GPRC5A: variants seen among roughly 807,000 people sequenced by gnomAD.
GPRC5A encodes retinoic acid-induced protein 3.
A neutral mutation model predicts 22.5 loss-of-function variants in GPRC5A; 19 were observed. That is an observed-to-expected ratio of 0.85 (90% CI 0.59 to 1.24). The LOEUF is 1.24. Ranked by LOEUF, GPRC5A falls within the 50% of genes most tolerant of loss-of-function variation. GPRC5A has a pLI of 0.00. For synonymous variants in GPRC5A, 192 were observed against 184.5 expected (o/e 1.04, Z -0.33); for missense variants, 471 against 451.1 (o/e 1.04, Z -0.40).
In GPRC5A at chr12:12,902,605, A is replaced by G. The variant is rs117091256; in HGVS notation, c.-7-5638A>G. Among the ~76,000 whole-genome samples the G allele has an allele frequency of 4.8e-3, 734 of 152,138 alleles. 4 individuals are homozygous for G. The highest frequency in any genetic ancestry group is 7.8e-3 in the Non-Finnish European group (529 of 68,006). On this transcript the variant is annotated intron_variant, in intron 1 of 3. Coordinates refer to ENST00000014914, the MANE Select transcript of GPRC5A (RefSeq NM_003979.4). ...ATAGCAAGACTCCATCTCTAAAAAA[A>G]TAAAGATTAAAAAAATTAGCCAGGT...
In GPRC5A at chr12:12,904,595, C is replaced by T. The variant is rs549946927; in HGVS notation, c.-7-3648C>T. 1.1e-4 allele frequency among the ~76,000 whole-genome samples: 16 copies of T among 151,974 alleles called. No homozygotes were observed. In the East Asian group the frequency reaches 2.3e-3, roughly 22 times the overall value. On this transcript the variant is annotated intron_variant, in intron 1 of 3. Transcript: ENST00000014914. ...GCAGTGATCAGCACATAGTGGTGCTCGGTAAATATTTGTTGAATGAATGAC... is the reference window on the plus strand; with the variant it reads ...GCAGTGATCAGCACATAGTGGTGCTTGGTAAATATTTGTTGAATGAATGAC...
chr12:12,907,026 C>T (rs1343410772), intron 1 of GPRC5A, among the ~76,000 whole-genome samples: 17 of 151,054 alleles, frequency 1.1e-4, no homozygotes, highest in Non-Finnish European at 8.8e-5. Flanking sequence ...TGCACTCCAG[C>T]CTGGGCAAAA....
intron 2 of GPRC5A, among the ~76,000 whole-genome samples, chr12:12,911,021 C>A (rs907893384): frequency 2.6e-5 from 4 of 151,952 alleles, no homozygotes; most frequent in Non-Finnish European, 4.4e-5. Context: ...CAGACGTGCA[C>A]CATTATGCCC....
At position 12,908,877 on chromosome 12, in the gene GPRC5A, G is replaced by A. The variant is rs1289955950; in HGVS notation, c.628G>A (p.Gly210Arg). ...CGSFTGWKRH[G>R]AHIYLTMLLS... ...TTCCTTCACGGGCTGGAAGAGACAT[G>A]GGGCCCACATCTACCTCACGATGCT... The change falls in exon 2 of 4, where the codon GGG (glycine) becomes AGG (arginine). Residue 210 changes from glycine (G) to arginine (R), a missense_variant. Gly to Arg is a moderately radical substitution (Grantham distance 125). Transcript: ENST00000014914. The A allele has an allele frequency of 1.9e-6, 3 of 1,614,106 alleles. No homozygotes were observed. The highest frequency in any genetic ancestry group is 2.5e-6 in the Non-Finnish European group (3 of 1,180,000).
chr12:12,902,462 C>CT (rs970402909), intron 1 of GPRC5A, among the ~76,000 whole-genome samples: 2 of 151,684 alleles, frequency 1.3e-5, no homozygotes, highest in African/African-American at 4.8e-5. Flanking sequence ...GAGTTTTTAT[C>CT]TTTTAGAGAG....
Position 12,912,449 on chromosome 12 carries a change from C to A in GPRC5A, c.984C>A (p.Asn328Lys), listed in dbSNP as rs1424097979. Residue 328 changes from asparagine to lysine, a missense_variant and splice_region_variant, in exon 4 of 4, where the codon AAC (asparagine) becomes AAA (lysine). Coordinates refer to ENST00000014914, the MANE Select transcript of GPRC5A (RefSeq NM_003979.4). Reference sequence around the variant, plus strand: ...CGATATGACTGTTTCCTTTTCAGAACCAGCCTCCCCAAAAGGAATTCTCCA... The same window carrying A: ...CGATATGACTGTTTCCTTTTCAGAAACAGCCTCCCCAAAAGGAATTCTCCA... ...APYSTHFQLQ[N>K]QPPQKEFSIP... 2 of 1,603,652 alleles carry A rather than the reference C, an allele frequency of 1.2e-6. No homozygotes were observed. Among genetic ancestry groups the A allele is most frequent in the East Asian group, 2.2e-5 (1 of 44,830 alleles).
intron 1 of GPRC5A, among the ~76,000 whole-genome samples, chr12:12,901,055 T>C (rs1863882183): frequency 6.6e-6 from 1 of 152,110 alleles, no homozygotes; most frequent in Non-Finnish European, 1.5e-5. Context: ...GGCATCCTTG[T>C]GTTACTGGAT....
At position 12,916,351 on chromosome 12, in the gene GPRC5A, T is replaced by TCATTTTAG. The variant is rs1864063952; in HGVS notation, c.*3812_*3813insCATTTTAG. On this transcript the variant is annotated 3_prime_UTR_variant, in exon 4 of 4. Coordinates refer to ENST00000014914, the MANE Select transcript of GPRC5A (RefSeq NM_003979.4). ...AGATGCGAAATAGAGCGTGTCTCTC[T>TCATTTTAG]GCCTCTCATTTTAGGCTGAGGCCGT... 6.6e-6 allele frequency: 1 copy of TCATTTTAG among 152,318 alleles called. No individual in the cohort carries two copies. The highest frequency in any genetic ancestry group is 2.4e-5 in the African/African-American group (1 of 41,470). The allele number at this position is 152,318 out of a possible 1,614,324, so 9.4% of individuals were successfully genotyped here. A position where few individuals can be genotyped will look rare whatever the true frequency, so the allele number is the denominator to read the frequency against.
Position 12,909,229 on chromosome 12 carries a change from T to C in GPRC5A, c.922+58T>C, listed in dbSNP as rs540035066. On this transcript the variant is annotated intron_variant, in intron 2 of 3. Transcript: ENST00000014914. ...CTTGTAGAAAGGTGGGGGAGAATCA[T>C]AGGATATTATAACTGTAAGGAACAT... The C allele has an allele frequency of 4.0e-5, 47 of 1,166,440 alleles. No homozygotes were observed. The African/African-American group carries it at 5.7e-4, about 14-fold the overall frequency. The allele number at this position is 1,166,440 out of a possible 1,614,324, so 72.3% of individuals were successfully genotyped here. A position where few individuals can be genotyped will look rare whatever the true frequency, so the allele number is the denominator to read the frequency against.
intron 1 of GPRC5A, among the ~76,000 whole-genome samples, chr12:12,896,913 A>T (rs1039153436): frequency 4.6e-5 from 7 of 152,172 alleles, no homozygotes; most frequent in African/African-American, 1.7e-4. Context: ...CCATGAAGAG[A>T]TCGACACATT....
chr12:12,892,785 A>G (rs556849027), intron 1 of GPRC5A, among the ~76,000 whole-genome samples: 24 of 152,308 alleles, frequency 1.6e-4, no homozygotes, highest in Middle Eastern at 6.8e-3. Context: ...GTCTCCTCAG[A>G]GGCTTGTGTA....
intron 2 of GPRC5A, chr12:12,909,565 A>G (rs540467348): frequency 6.0e-6 from 1 of 166,604 alleles, no homozygotes; most frequent in East Asian, 1.7e-4. Flanking sequence ...TGTTTTTTAT[A>G]AAAGATAACG....
In GPRC5A at chr12:12,913,008, A is replaced by G. The variant is rs893554064; in HGVS notation, c.*469A>G. 9 of 156,666 alleles carry G rather than the reference A, an allele frequency of 5.7e-5. No individual in the cohort carries two copies. The highest frequency in any genetic ancestry group is 2.2e-4 in the African/African-American group (9 of 41,542). The allele number at this position is 156,666 out of a possible 1,614,324, so 9.7% of individuals were successfully genotyped here. ...AGCCTAGGCCCTTAATCTTGCTGTT[A>G]TTTTCCATGGACTAAAGGTCTGGTC... On this transcript the variant is annotated 3_prime_UTR_variant, in exon 4 of 4. Coordinates refer to ENST00000014914, the MANE Select transcript of GPRC5A (RefSeq NM_003979.4).
chr12:12,917,333 C>A lies in GPRC5A; in HGVS notation c.*4794C>A, dbSNP rs548124830. The A allele has an allele frequency of 6.6e-6, 1 of 151,716 alleles. No individual in the cohort carries two copies. The highest frequency in any genetic ancestry group is 2.4e-5 in the African/African-American group (1 of 41,320). 9.4% of individuals were successfully genotyped at this position (151,716 alleles called of 1,614,324 possible). A position where few individuals can be genotyped will look rare whatever the true frequency, so the allele number is the denominator to read the frequency against. On this transcript the variant is annotated 3_prime_UTR_variant, in exon 4 of 4. Transcript: ENST00000014914. ...CTTGACCCTTCAAAGTGGAACAGTCCAGTGCCAAAAATTTTAGAGTTTGAG... is the reference window on the plus strand; with the variant it reads ...CTTGACCCTTCAAAGTGGAACAGTCAAGTGCCAAAAATTTTAGAGTTTGAG...
intron 1 of GPRC5A, among the ~76,000 whole-genome samples, chr12:12,895,797 G>C (rs1488451500): frequency 8.8e-6 from 1 of 113,002 alleles, no homozygotes; most frequent in Non-Finnish European, 1.7e-5. Flanking sequence ...CTAACACAGT[G>C]AAACTCTGTC....
chr12:12,905,275 G>C (rs1000783533), intron 1 of GPRC5A, among the ~76,000 whole-genome samples: 6 of 152,148 alleles, frequency 3.9e-5, no homozygotes, highest in Non-Finnish European at 5.9e-5. Flanking sequence ...CCCAACCCGA[G>C]TCCTTCCTCT....
chr12:12,900,506 A>G (rs576525946), intron 1 of GPRC5A, among the ~76,000 whole-genome samples: 1 of 152,052 alleles, frequency 6.6e-6, no homozygotes, highest in South Asian at 2.1e-4. Flanking sequence ...CTTGGAGTTG[A>G]CCCAAGAAAT....
Position 12,914,555 on chromosome 12 carries a change from T to TCTTC in GPRC5A, c.*2019_*2020insCCTT. On this transcript the variant is annotated 3_prime_UTR_variant, in exon 4 of 4. Coordinates refer to ENST00000014914, the MANE Select transcript of GPRC5A (RefSeq NM_003979.4). ...TTCCTTCCTTCCTTCCTTTCTTCTT[T>TCTTC]CTTTCTTTCTTTCTTTCTTTCTTTC... is the stretch of plus-strand genomic sequence containing the variant. 1.8e-5 allele frequency: 1 copy of TCTTC among 54,454 alleles called. No homozygotes were observed. Among genetic ancestry groups the TCTTC allele is most frequent in the African/African-American group, 1.3e-4 (1 of 7,930 alleles). The allele number at this position is 54,454 out of a possible 1,614,324, so 3.4% of individuals were successfully genotyped here.
chr12:12,900,891 C>CAAA lies in GPRC5A; in HGVS notation c.-7-7332_-7-7330dup, dbSNP rs756416857. 5.2e-3 allele frequency among the ~76,000 whole-genome samples: 111 copies of CAAA among 21,538 alleles called. 1 individual carries two copies. Among genetic ancestry groups the CAAA allele is most frequent in the African/African-American group, 6.5e-3 (39 of 5,960 alleles). 14.1% of individuals were successfully genotyped at this position (21,538 alleles called of 152,430 possible). ...GGCAACAAGAGTAAAAACTCCGTCTCAAAAAAAAAAAAAAAAAAAAAACAA... is the reference window on the plus strand; with the variant it reads ...GGCAACAAGAGTAAAAACTCCGTCTCAAAAAAAAAAAAAAAAAAAAAAAAACAA... On this transcript the variant is annotated intron_variant, in intron 1 of 3. Transcript: ENST00000014914.
Sources: allele counts gnomAD v4.1 joint callset (sites outside exome capture counted in the v4.1 genomes callset), GRCh38; gene constraint gnomAD v4.1.1; transcripts MANE v1.5; gene names NCBI Gene and HGNC (gene_info 2026-07-23, HGNC 2026-07-21).